Variants in B2M observed in about 807,000 individuals in gnomAD.
B2M encodes beta chain of MHC class I molecules.
A neutral mutation model predicts 14.5 loss-of-function variants in B2M; 3 were observed. The observed-to-expected ratio is 0.21, with a 90% CI of 0.09 to 0.53. The LOEUF (loss-of-function observed/expected upper bound fraction) is 0.53. Ranked by LOEUF, B2M falls within the 20% of genes least tolerant of loss-of-function variation. B2M has a pLI of 0.95. For synonymous variants in B2M, 45 were observed against 52.7 expected (o/e 0.85, Z 0.64); for missense variants, 107 against 140.8 (o/e 0.76, Z 1.21).
At chr15:44,715,256 G>C (rs1011698192) in intron 1 of B2M, 167 bp from the exon 2 acceptor site, 1 of 744,240 alleles carries the variant, frequency 1.3e-6, no homozygotes, top group African/African-American at 1.7e-5. Context: ...TCAAAATGGA[G>C]GTGGCTTGTT....
chr15:44,714,513 G>A (rs1239700751), intron 1 of B2M: 1 of 152,164 alleles, frequency 6.6e-6, no homozygotes, highest in African/African-American at 2.4e-5. Context: ...CCAACACTTT[G>A]GGAGGCCAAG....
At position 44,711,600 on chromosome 15, in the gene B2M, G is replaced by A. The variant is rs2141284630; in HGVS notation, c.54G>A (p.Leu18=). The change falls in exon 1 of 4, where the codon CTG becomes CTA. Residue 18 remains leucine (L), a synonymous_variant. Coordinates refer to ENST00000648006, the MANE Select transcript of B2M (RefSeq NM_004048.4). The part of the protein sequence containing the change: ...AVLALLSLSG[L]EAIQRTPKIQ... ...TCGCGCTACTCTCTCTTTCTGGCCT[G>A]GAGGCTATCCAGCGTGAGTCTCTCC... The A allele has an allele frequency of 1.9e-6, 3 of 1,613,810 alleles. No individual in the cohort carries two copies. Among genetic ancestry groups the A allele is most frequent in the Non-Finnish European group, 2.5e-6 (3 of 1,179,970 alleles).
At chr15:44,712,909 G>A (rs2086898650) in intron 1 of B2M, 1 of 151,808 alleles carries the variant, frequency 6.6e-6, no homozygotes, top group Non-Finnish European at 1.5e-5. Context: ...GGCTGAGGCG[G>A]GAGGATCTCT....
At chr15:44,712,999 GAAA>G (rs3042005) in intron 1 of B2M, 3,525 of 92,806 alleles carry the variant, frequency 0.038, 134 homozygotes, top group African/African-American at 0.12. Flanking sequence ...TCTCAAAAAA[GAAA>G]AAAAAAAAAA....
At chr15:44,716,431 A>T (rs1322731516) in intron 3 of B2M, 75 bp downstream of exon 3, 7 of 1,395,200 alleles carry the variant, frequency 5.0e-6, no homozygotes, top group East Asian at 4.6e-5. Context: ...CTAACATGAT[A>T]ACCCTCACTA....
At chr15:44,713,384 A>G (rs1379518773) in intron 1 of B2M, 4 of 152,256 alleles carry the variant, frequency 2.6e-5, no homozygotes, top group Non-Finnish European at 5.9e-5. Flanking sequence ...AAAGTAATAC[A>G]TGCCATGCAT....
rs983925818 is a variant in B2M at position 44,717,587 on chromosome 15, C to A, written c.*15-20C>A. ...CCAAATAAAATAAATTCATTGCTAA[C>A]CTTTTTCTTTTCTTTTCAGGTTTGA... is the stretch of plus-strand genomic sequence containing the variant. On this transcript the variant is annotated intron_variant, in intron 3 of 3. Coordinates refer to ENST00000648006, the MANE Select transcript of B2M (RefSeq NM_004048.4). The A allele has an allele frequency of 5.3e-5, 8 of 152,150 alleles. No individual in the cohort carries two copies. The highest frequency in any genetic ancestry group is 1.0e-4 in the Non-Finnish European group (7 of 68,042). 9.4% of individuals were successfully genotyped at this position (152,150 alleles called of 1,614,324 possible).
rs1321637075 is a variant in B2M, at chr15:44,717,875, T to G, written c.*283T>G. 4 of 152,206 alleles carry G rather than the reference T, an allele frequency of 2.6e-5. No homozygotes were observed. The highest frequency in any genetic ancestry group is 5.9e-5 in the Non-Finnish European group (4 of 68,050). The allele number at this position is 152,206 out of a possible 1,614,324, so 9.4% of individuals were successfully genotyped here. A position where few individuals can be genotyped will look rare whatever the true frequency, so the allele number is the denominator to read the frequency against. ...CTCTTATCCAACATCAACATCTTGG[T>G]CAGATTTGAACTCTTCAATCTCTTG... On this transcript the variant is annotated 3_prime_UTR_variant, in exon 4 of 4. Coordinates refer to ENST00000648006, the MANE Select transcript of B2M (RefSeq NM_004048.4).
intron 1 of B2M, chr15:44,713,743 T>C (rs937839361): frequency 3.2e-4 from 48 of 152,208 alleles, no homozygotes; most frequent in African/African-American, 1.2e-3. Context: ...TATTAGAAGC[T>C]CAGATGCAAA....
At chr15:44,715,932 C>G (rs2086936464) in intron 2 of B2M, 4 of 649,014 alleles carry the variant, frequency 6.2e-6, no homozygotes, top group Non-Finnish European at 1.1e-5. Flanking sequence ...AGTAGTTTCC[C>G]TGCAGTTGAG....
intron 1 of B2M, chr15:44,713,437 T>C (rs1385907110): frequency 6.6e-6 from 1 of 152,252 alleles, no homozygotes; most frequent in Non-Finnish European, 1.5e-5. Context: ...GTAATGATGA[T>C]TGCCTCTGAA....
rs1257544724 is a variant in B2M, at chr15:44,715,327, A to G, written c.68-96A>G. 5 of 1,408,396 alleles carry G rather than the reference A, an allele frequency of 3.6e-6. No individual in the cohort carries two copies. In the Admixed American group the frequency reaches 8.4e-5, roughly 24 times the overall value. 87.2% of individuals were successfully genotyped at this position (1,408,396 alleles called of 1,614,324 possible). Reference sequence around the variant, plus strand: ...GGAATTGGGAGAAATCGATGACCAAATGTAAACACTTGGTGCCTGATATAG... The same window carrying G: ...GGAATTGGGAGAAATCGATGACCAAGTGTAAACACTTGGTGCCTGATATAG... On this transcript the variant is annotated intron_variant, in intron 1 of 3. Coordinates refer to ENST00000648006, the MANE Select transcript of B2M (RefSeq NM_004048.4).
intron 3 of B2M, 38 bp downstream of exon 3, chr15:44,716,394 T>G: frequency 6.4e-7 from 1 of 1,557,192 alleles, no homozygotes; most frequent in Admixed American, 1.7e-5. Flanking sequence ...TTTGTTTCAC[T>G]GTCCTGAGGA....
At chr15:44,711,802 C>T in intron 1 of B2M, 189 bp downstream of exon 1, 1 of 761,998 alleles carries the variant, frequency 1.3e-6, no homozygotes, top group Non-Finnish European at 2.3e-6. Flanking sequence ...AGGGGGTGCG[C>T]ACCCGGGACG....
rs578196143 is a variant in B2M at position 44,711,683 on chromosome 15, G to A, written c.67+70G>A. The A allele has an allele frequency of 7.9e-6, 12 of 1,526,558 alleles. No homozygotes were observed. In the South Asian group the frequency reaches 1.3e-4, roughly 17 times the overall value. 94.6% of individuals were successfully genotyped at this position (1,526,558 alleles called of 1,614,324 possible). Reference sequence around the variant, plus strand: ...CTGCACCCTCTGTGGCCCTCGCTGTGCTCTCTCGCTCCGTGACTTCCCTTC... The same window carrying A: ...CTGCACCCTCTGTGGCCCTCGCTGTACTCTCTCGCTCCGTGACTTCCCTTC... On this transcript the variant is annotated intron_variant, in intron 1 of 3. Coordinates refer to ENST00000648006, the MANE Select transcript of B2M (RefSeq NM_004048.4).
chr15:44,714,723 A>G (rs2086922341), intron 1 of B2M: 1 of 153,002 alleles, frequency 6.5e-6, no homozygotes, highest in South Asian at 2.0e-4. Flanking sequence ...TGGGCAATGG[A>G]ATGAGATTCC....
intron 1 of B2M, chr15:44,714,013 A>G (rs1035622639): frequency 6.6e-6 from 1 of 152,216 alleles, no homozygotes; most frequent in African/African-American, 2.4e-5. Flanking sequence ...GTCAATCTGT[A>G]TATTTAGTAG....
chr15:44,713,845 A>AT (rs1457566462), intron 1 of B2M: 2 of 152,152 alleles, frequency 1.3e-5, no homozygotes, highest in Non-Finnish European at 2.9e-5. Flanking sequence ...CCTTTCCTTA[A>AT]TGATAGGGTG....
intron 3 of B2M, chr15:44,716,863 A>G (rs2086947683): frequency 6.3e-6 from 1 of 158,412 alleles, no homozygotes; most frequent in Admixed American, 6.0e-5. Context: ...TTATAACTTG[A>G]TATAATGATA....
Sources: allele counts gnomAD v4.1 joint callset, GRCh38; gene constraint gnomAD v4.1.1; transcripts MANE v1.5; gene names NCBI Gene and HGNC (gene_info 2026-07-23, HGNC 2026-07-21).